The following SHISA9 variants were observed in gnomAD, a reference collection of about 807,000 sequenced individuals.
SHISA9 encodes shisa family member 9, also known as protein shisa-9.
Under a neutral mutation model 38.0 loss-of-function variants are expected in SHISA9, and 13 were observed. The ratio of observed to expected loss-of-function variants is 0.34; its 90% CI spans 0.22 to 0.54. The LOEUF is 0.54. Ranked by LOEUF, SHISA9 falls within the 20% of genes least tolerant of loss-of-function variation. SHISA9 has a pLI of 0.91. For synonymous variants in SHISA9, 275 were observed against 242.0 expected, an observed-to-expected ratio of 1.14 and a Z score of -1.27; for missense variants, 538 against 575.8, an observed-to-expected ratio of 0.93 and a Z score of 0.67.
intron 2 of SHISA9, chr16:13,203,140 A>T (rs1206512190): frequency 2.9e-6 from 1 of 345,894 alleles, no homozygotes; most frequent in South Asian, 1.5e-4. Flanking sequence ...AAAGGACCTT[A>T]ACATGTTAGT....
At chr16:13,081,501 G>T (rs942081231) in intron 2 of SHISA9, among the ~76,000 whole-genome samples, 1 of 152,110 alleles carries the variant, frequency 6.6e-6, no homozygotes, top group African/African-American at 2.4e-5. Flanking sequence ...CTTGCTGGCT[G>T]CAAGGGAAGT....
At chr16:13,072,584 C>T (rs1271749456) in intron 2 of SHISA9, among the ~76,000 whole-genome samples, 2 of 152,194 alleles carry the variant, frequency 1.3e-5, no homozygotes, top group African/African-American at 2.4e-5. Context: ...CATGTATCAT[C>T]TCATTCAATC....
rs546121995 is a variant in SHISA9, at chr16:13,092,483, C to T, written c.692-110911C>T. ...GAGCTGTGGTGGGCTCCGTCCAGTT[C>T]GAGCTTCCTGGCCACTTTGTTTACC... On this transcript the variant is annotated intron_variant, in intron 2 of 4. Coordinates refer to ENST00000558583, the MANE Select transcript of SHISA9 (RefSeq NM_001145204.3). 1.1e-4 allele frequency among the ~76,000 whole-genome samples: 16 copies of T among 152,316 alleles called. No homozygotes were observed. The South Asian group carries it at 1.4e-3, about 14-fold the overall frequency.
chr16:13,530,673 C>T, the SHISA9 span, among the ~76,000 whole-genome samples: 6 of 151,894 alleles, frequency 4.0e-5, no homozygotes, highest in East Asian at 7.8e-4. Flanking sequence ...CTTGTTTTTG[C>T]CCCCCCAGAA....
the SHISA9 span, among the ~76,000 whole-genome samples, chr16:13,465,063 T>C: frequency 8.0e-4 from 122 of 152,342 alleles, no homozygotes; most frequent in African/African-American, 2.8e-3. Flanking sequence ...GCAGGGCTTC[T>C]ATACCTCAGT....
chr16:13,035,995 A>G (rs2073056339), intron 2 of SHISA9, among the ~76,000 whole-genome samples: 1 of 152,264 alleles, frequency 6.6e-6, no homozygotes, highest in Non-Finnish European at 1.5e-5. Flanking sequence ...AAGATTGATG[A>G]TATCAAGTGA....
intron 2 of SHISA9, among the ~76,000 whole-genome samples, chr16:13,003,494 G>T (rs748702223): frequency 3.9e-4 from 60 of 152,230 alleles, no homozygotes; most frequent in Non-Finnish European, 6.0e-4. Flanking sequence ...TGTTCAGCGG[G>T]CATGAAAAGT....
the SHISA9 span, among the ~76,000 whole-genome samples, chr16:13,368,882 A>G: frequency 6.6e-6 from 1 of 152,226 alleles, no homozygotes; most frequent in Non-Finnish European, 1.5e-5. Context: ...CAGTGTATAA[A>G]TGAATATGCA....
the SHISA9 span, among the ~76,000 whole-genome samples, chr16:13,262,606 T>G: frequency 7.2e-6 from 1 of 138,496 alleles, no homozygotes; most frequent in Non-Finnish European, 1.5e-5. Flanking sequence ...GCCCGGTGAG[T>G]AAGTTCTCAA....
chr16:13,335,492 A>G, the SHISA9 span, among the ~76,000 whole-genome samples: 1 of 152,212 alleles, frequency 6.6e-6, no homozygotes, highest in African/African-American at 2.4e-5. Context: ...TCATCGGTTG[A>G]GAATGAAAAG....
Position 12,960,936 on chromosome 16 carries a change from C to G in SHISA9, c.691+44121C>G, listed in dbSNP as rs549019161. On this transcript the variant is annotated intron_variant, in intron 2 of 4. Transcript: ENST00000558583. Reference sequence around the variant, plus strand: ...AAAGTGAACACGTTTCCTGCTCTCACAAGGCTTTGAGTCTATTTTGGGAGT... The same window carrying G: ...AAAGTGAACACGTTTCCTGCTCTCAGAAGGCTTTGAGTCTATTTTGGGAGT... 7.9e-5 allele frequency among the ~76,000 whole-genome samples: 12 copies of G among 152,128 alleles called. 1 individual carries two copies. In the South Asian group the frequency reaches 2.5e-3, roughly 32 times the overall value.
intron 2 of SHISA9, among the ~76,000 whole-genome samples, chr16:13,193,945 T>C (rs2050912175): frequency 6.6e-6 from 1 of 151,896 alleles, no homozygotes; most frequent in Admixed American, 6.6e-5. Flanking sequence ...CCTGCTAGAG[T>C]CTCAGAGGAA....
chr16:13,040,940 AG>A (rs1193904248), intron 2 of SHISA9, among the ~76,000 whole-genome samples: 1 of 152,168 alleles, frequency 6.6e-6, no homozygotes, highest in Non-Finnish European at 1.5e-5. Flanking sequence ...TGGGGTCCTG[AG>A]TCTCACCCAA....
intron 2 of SHISA9, among the ~76,000 whole-genome samples, chr16:13,047,658 A>G (rs1567194551): frequency 6.6e-6 from 1 of 152,158 alleles, no homozygotes; most frequent in Non-Finnish European, 1.5e-5. Context: ...GACCATCTGG[A>G]AAAAGTGAGA....
intron 2 of SHISA9, among the ~76,000 whole-genome samples, chr16:13,097,481 A>G (rs946081627): frequency 6.6e-6 from 1 of 151,414 alleles, no homozygotes; most frequent in Non-Finnish European, 1.5e-5. Context: ...CAATGATGCT[A>G]TCACTCAAGT....
At chr16:12,995,942 G>C (rs1318415117) in intron 2 of SHISA9, among the ~76,000 whole-genome samples, 1 of 152,178 alleles carries the variant, frequency 6.6e-6, no homozygotes, top group Non-Finnish European at 1.5e-5. Context: ...TGCTTCTTGA[G>C]TTGTGGTTTG....
the SHISA9 span, among the ~76,000 whole-genome samples, chr16:13,553,661 G>A: frequency 6.8e-6 from 1 of 148,040 alleles, no homozygotes; most frequent in Non-Finnish European, 1.5e-5. Flanking sequence ...TTGAATAACT[G>A]AGCTGCTATT....
the SHISA9 span, among the ~76,000 whole-genome samples, chr16:13,428,773 G>GATT: frequency 1.4e-5 from 2 of 145,330 alleles, no homozygotes; most frequent in African/African-American, 5.1e-5. Flanking sequence ...TTGTTTTATT[G>GATT]TTTTTTTTTT....
intron 2 of SHISA9, among the ~76,000 whole-genome samples, chr16:12,937,282 A>G (rs1272864740): frequency 2.6e-5 from 4 of 152,224 alleles, no homozygotes; most frequent in African/African-American, 9.6e-5. Flanking sequence ...ATGGTAGAAA[A>G]GAAAGTAAAG....
Sources: gnomAD v4.1 joint callset for allele counts (sites outside exome capture counted in the v4.1 genomes callset) on GRCh38, gnomAD v4.1.1 for gene constraint, MANE v1.5 for transcripts, NCBI Gene and HGNC (gene_info 2026-07-23, HGNC 2026-07-21) for gene names.